Variants in ATE1 observed in about 807,000 individuals in gnomAD.
ATE1 encodes the protein arginyltransferase 1, also known as arginyl-tRNA--protein transferase 1.
Under a neutral mutation model 70.5 loss-of-function variants are expected in ATE1, and 36 were observed. The ratio of observed to expected loss-of-function variants is 0.51; its 90% CI spans 0.39 to 0.67. The LOEUF (loss-of-function observed/expected upper bound fraction) is 0.67. ATE1 is among the 30% of genes least tolerant of loss of function. The probability of loss-of-function intolerance (pLI) is 0.00; values close to 1 mark genes in which losing one functional copy is unlikely to be tolerated. For synonymous variants in ATE1, 232 were observed against 219.3 expected (o/e 1.06, Z -0.51); for missense variants, 593 against 629.5 (o/e 0.94, Z 0.62).
rs570888026 is a variant in ATE1, at chr10:121,803,702, A to C, written c.1258-13413T>G. ...CAGTAAGCTGTCTCTAACTAATCAT[A>C]TCTCTATCTGGAGCCATGATTTTTT... is the stretch of plus-strand genomic sequence containing the variant. On this transcript the variant is annotated intron_variant, in intron 10 of 11. Transcript: ENST00000224652. Among the ~76,000 whole-genome samples the C allele has an allele frequency of 2.0e-5, 3 of 152,334 alleles. No homozygotes were observed. The East Asian group carries it at 5.8e-4, about 29-fold the overall frequency.
chr10:121,896,230 G>A (rs1950775319), intron 7 of ATE1, among the ~76,000 whole-genome samples: 3 of 152,072 alleles, frequency 2.0e-5, no homozygotes, highest in Admixed American at 1.3e-4. Context: ...CACAGGTGGT[G>A]GTTTATACTT....
intron 8 of ATE1, among the ~76,000 whole-genome samples, chr10:121,850,935 C>CA (rs1210708205): frequency 2.6e-5 from 4 of 151,416 alleles, no homozygotes; most frequent in Non-Finnish European, 5.9e-5. Flanking sequence ...ACTAAAAATA[C>CA]AAAAAATTAG....
At chr10:121,771,445 T>A (rs1452314736) in intron 11 of ATE1, among the ~76,000 whole-genome samples, 1 of 152,194 alleles carries the variant, frequency 6.6e-6, no homozygotes, top group African/African-American at 2.4e-5. Context: ...GAACCATTCC[T>A]AATATGAACA....
chr10:121,751,153 G>C (rs943646423), intron 11 of ATE1, among the ~76,000 whole-genome samples: 9 of 152,162 alleles, frequency 5.9e-5, no homozygotes, highest in African/African-American at 2.2e-4. Context: ...AATTACGCAT[G>C]TTCATATTCT....
chr10:121,861,687 C>T (rs1429498514), intron 8 of ATE1, among the ~76,000 whole-genome samples: 3 of 148,614 alleles, frequency 2.0e-5, no homozygotes, highest in African/African-American at 7.5e-5. Flanking sequence ...CAGCATGGCA[C>T]ATGTATACAT....
At chr10:121,764,954 A>G (rs1945214637) in intron 11 of ATE1, among the ~76,000 whole-genome samples, 1 of 152,226 alleles carries the variant, frequency 6.6e-6, no homozygotes, top group Admixed American at 6.5e-5. Flanking sequence ...CTAAAGAAGG[A>G]TAGCAGGGCT....
chr10:121,830,876 G>A (rs935719146), intron 10 of ATE1, among the ~76,000 whole-genome samples: 6 of 152,118 alleles, frequency 3.9e-5, no homozygotes, highest in South Asian at 2.1e-4. Context: ...TAATGGGAAC[G>A]TAATATATTG....
intron 10 of ATE1, among the ~76,000 whole-genome samples, chr10:121,822,723 C>T (rs1168642806): frequency 6.6e-6 from 1 of 152,112 alleles, no homozygotes; most frequent in African/African-American, 2.4e-5. Flanking sequence ...CATGCAGAGT[C>T]ACCTTTCACA....
At chr10:121,794,418 A>G (rs1946570775) in intron 10 of ATE1, among the ~76,000 whole-genome samples, 8 of 152,124 alleles carry the variant, frequency 5.3e-5, no homozygotes, top group Admixed American at 5.2e-4. Flanking sequence ...CAGGCTGGGC[A>G]ACACAGTGAG....
At chr10:121,922,023 C>T (rs960386033) in intron 3 of ATE1, among the ~76,000 whole-genome samples, 4 of 152,154 alleles carry the variant, frequency 2.6e-5, no homozygotes, top group Non-Finnish European at 5.9e-5. Flanking sequence ...AAGCTAAGTC[C>T]TATAATATTT....
At chr10:121,899,831 T>C in intron 7 of ATE1, 35 bp downstream of exon 7, 1 of 1,600,446 alleles carries the variant, frequency 6.2e-7, no homozygotes, top group Non-Finnish European at 8.5e-7. Context: ...GGGAAAGCTC[T>C]GTTTGCACAG....
chr10:121,776,736 G>A (rs549644537), intron 11 of ATE1, among the ~76,000 whole-genome samples: 26 of 152,360 alleles, frequency 1.7e-4, no homozygotes, highest in African/African-American at 4.3e-4. Flanking sequence ...AAGTGTGCAC[G>A]CATGCACGCG....
At chr10:121,761,815 G>C (rs1469803509) in intron 11 of ATE1, among the ~76,000 whole-genome samples, 1 of 152,090 alleles carries the variant, frequency 6.6e-6, no homozygotes, top group African/African-American at 2.4e-5. Context: ...ATAGTATCTT[G>C]TATAATCGAT....
At chr10:121,838,411 T>C (rs528073804) in intron 9 of ATE1, among the ~76,000 whole-genome samples, 5 of 152,144 alleles carry the variant, frequency 3.3e-5, no homozygotes, top group Non-Finnish European at 7.3e-5. Context: ...CTCTACGTCC[T>C]TCCCTACACC....
chr10:121,890,896 A>C (rs1950556453), intron 7 of ATE1, among the ~76,000 whole-genome samples: 1 of 152,168 alleles, frequency 6.6e-6, no homozygotes, highest in South Asian at 2.1e-4. Context: ...TGAATGACTG[A>C]AAACAGTCAT....
intron 8 of ATE1, among the ~76,000 whole-genome samples, chr10:121,854,576 CTG>C (rs1949175887): frequency 6.6e-6 from 1 of 152,282 alleles, no homozygotes; most frequent in Admixed American, 6.5e-5. Context: ...ACTTTGCTCA[CTG>C]TTTCTCTATG....
rs755322923 is a variant in ATE1 at position 121,899,936 on chromosome 10, G to C, written c.872C>G (p.Ser291Cys). 2.5e-6 allele frequency: 4 copies of C among 1,614,010 alleles called. No homozygotes were observed. The highest frequency in any genetic ancestry group is 4.5e-5 in the East Asian group (2 of 44,886). ...SSQFKATLLE[S>C]YQVYKRYQMV... ...CTGGTAACGTTTATAGACCTGGTAA[G>C]ACTCCAGAAGTGTGGCTTTGAACTG... Residue 291 changes from serine to cysteine, a missense_variant, in exon 7 of 12, where the codon TCT (serine) becomes TGT (cysteine). By Grantham distance (112) the Ser-to-Cys change is moderately radical. This residue lies in a region of ATE1 where 467 missense variants were observed against 469.6 expected (regional missense o/e 0.99). Transcript: ENST00000224652.
chr10:121,923,728 G>C (rs907776133), intron 2 of ATE1, among the ~76,000 whole-genome samples: 2 of 152,208 alleles, frequency 1.3e-5, no homozygotes, highest in Non-Finnish European at 2.9e-5. Context: ...CAGGCCATGT[G>C]TGGACTTTAA....
intron 11 of ATE1, among the ~76,000 whole-genome samples, chr10:121,784,122 A>G (rs1946110526): frequency 6.6e-6 from 1 of 152,256 alleles, no homozygotes. Context: ...AATATTACTT[A>G]GTTGCTAAAT....
Sources: allele counts gnomAD v4.1 joint callset (sites outside exome capture counted in the v4.1 genomes callset), GRCh38; gene constraint gnomAD v4.1.1; regional missense constraint gnomAD v4.1.1; transcripts MANE v1.5; gene names NCBI Gene and HGNC (gene_info 2026-07-23, HGNC 2026-07-21).